RELCH: variants seen among roughly 807,000 people sequenced by gnomAD.
The protein encoded by RELCH is RAB11 binding and LisH domain, coiled-coil and HEAT repeat containing, also known as RAB11-binding protein RELCH.
In RELCH, 41 loss-of-function variants were observed where a neutral mutation model predicts 150.3. That is an observed-to-expected ratio of 0.27 (90% confidence interval 0.21 to 0.35). The LOEUF (loss-of-function observed/expected upper bound fraction) is 0.35. RELCH is among the 10% of genes least tolerant of loss of function. RELCH has a pLI of 1.00. For synonymous variants in RELCH, 478 were observed against 531.8 expected (o/e 0.90, Z 1.39); for missense variants, 1,092 against 1,467.8 (o/e 0.74, Z 4.18).
chr18:62,304,790 A>G (rs2045813375), intron 28 of RELCH, among the ~76,000 whole-genome samples: 1 of 152,220 alleles, frequency 6.6e-6, no homozygotes, highest in Non-Finnish European at 1.5e-5. Context: ...CAGGTTGGTG[A>G]AAAAGAAAGA....
At chr18:62,192,508 T>G (rs2038720856) in intron 1 of RELCH, among the ~76,000 whole-genome samples, 1 of 152,218 alleles carries the variant, frequency 6.6e-6, no homozygotes, top group Admixed American at 6.5e-5. Flanking sequence ...TTCAAGGGTT[T>G]TCATAGTTTT....
At chr18:62,244,742 T>C in intron 10 of RELCH, 22 bp from the exon 11 acceptor site, 2 of 1,480,404 alleles carry the variant, frequency 1.4e-6, no homozygotes, top group African/African-American at 1.4e-5. Context: ...ATTTGAATTT[T>C]TCCACCCTCG....
intron 2 of RELCH, among the ~76,000 whole-genome samples, chr18:62,220,286 T>C (rs2040767594): frequency 6.6e-6 from 1 of 151,482 alleles, no homozygotes; most frequent in Non-Finnish European, 1.5e-5. Flanking sequence ...TGCTATAGAA[T>C]TATCTTAATT....
intron 15 of RELCH, among the ~76,000 whole-genome samples, chr18:62,260,797 TA>T (rs1306648568): frequency 1.3e-5 from 2 of 151,976 alleles, no homozygotes; most frequent in Non-Finnish European, 2.9e-5. Context: ...GACATTATGT[TA>T]AGTGAAATAA....
rs150419744 is a variant in RELCH, at chr18:62,279,309, G to T, written c.2968-465G>T. Reference sequence around the variant, plus strand: ...ATGGTTTTAAAATACACTTGCTATAGCACAATAATAAGTGGTTTAGTGGTG... The same window carrying T: ...ATGGTTTTAAAATACACTTGCTATATCACAATAATAAGTGGTTTAGTGGTG... On this transcript the variant is annotated intron_variant, in intron 22 of 28. Coordinates refer to ENST00000644646, the MANE Select transcript of RELCH (RefSeq NM_001346231.2). Among the ~76,000 whole-genome samples, 93 of 152,260 alleles carry T rather than the reference G, an allele frequency of 6.1e-4. 1 individual carries two copies. In the East Asian group the frequency reaches 0.015, roughly 25 times the overall value.
At chr18:62,260,330 T>G (rs1290941171) in intron 15 of RELCH, among the ~76,000 whole-genome samples, 1 of 142,866 alleles carries the variant, frequency 7.0e-6, no homozygotes, top group African/African-American at 2.6e-5. Context: ...TAAACCAAAA[T>G]GAAGTATCAT....
chr18:62,304,702 G>A (rs1950560379), intron 28 of RELCH, among the ~76,000 whole-genome samples: 1 of 152,216 alleles, frequency 6.6e-6, no homozygotes, highest in South Asian at 2.1e-4. Flanking sequence ...TGCTTGATCA[G>A]TATTCTGTTT....
chr18:62,292,919 C>T (rs1035996487), intron 27 of RELCH, among the ~76,000 whole-genome samples: 1 of 152,168 alleles, frequency 6.6e-6, no homozygotes, highest in African/African-American at 2.4e-5. Flanking sequence ...AGCCAAAGTA[C>T]TTTTCCTAAA....
At chr18:62,225,310 T>C (rs1229835914) in intron 5 of RELCH, among the ~76,000 whole-genome samples, 1 of 151,862 alleles carries the variant, frequency 6.6e-6, no homozygotes, top group East Asian at 1.9e-4. Flanking sequence ...TTATTAGATA[T>C]GACACAAAAA....
At chr18:62,231,526 T>G (rs2041579401) in intron 9 of RELCH, among the ~76,000 whole-genome samples, 1 of 152,068 alleles carries the variant, frequency 6.6e-6, no homozygotes, top group African/African-American at 2.4e-5. Flanking sequence ...AATAGTATGT[T>G]TAATGACAGC....
intron 2 of RELCH, 82 bp from the exon 3 acceptor site, chr18:62,220,947 TCATACCCA>T: frequency 2.0e-6 from 2 of 988,716 alleles, no homozygotes; most frequent in Admixed American, 2.1e-5. Flanking sequence ...TATTTTTTTT[TCATACCCA>T]TCCTTGCTTT....
At chr18:62,303,631 G>A (rs992877201) in intron 28 of RELCH, among the ~76,000 whole-genome samples, 9 of 152,224 alleles carry the variant, frequency 5.9e-5, no homozygotes, top group African/African-American at 2.2e-4. Flanking sequence ...GTTAAGGAAA[G>A]GCACCATAGG....
chr18:62,222,016 G>C (rs936197712), intron 5 of RELCH, among the ~76,000 whole-genome samples: 1 of 151,848 alleles, frequency 6.6e-6, no homozygotes. Flanking sequence ...AAGCAAAAAA[G>C]ATGTCTTATT....
chr18:62,197,442 C>T (rs1465537564), intron 1 of RELCH, among the ~76,000 whole-genome samples: 1 of 152,168 alleles, frequency 6.6e-6, no homozygotes, highest in Non-Finnish European at 1.5e-5. Context: ...TAGCTTTTAA[C>T]TGTGCTGTTC....
rs762338964 is a variant in RELCH, at chr18:62,264,059, G to C, written c.2421G>C (p.Leu807Phe). 1 of 1,607,664 alleles carries C rather than the reference G, an allele frequency of 6.2e-7. No individual in the cohort carries two copies. The highest frequency in any genetic ancestry group is 8.5e-7 in the Non-Finnish European group (1 of 1,177,362). The change falls in exon 17 of 29, where the codon TTG (leucine) becomes TTC (phenylalanine). Residue 807 changes from leucine (L) to phenylalanine (F), a missense_variant. By Grantham distance (22) the Leu-to-Phe change is conservative (BLOSUM62 0). Coordinates refer to ENST00000644646, the MANE Select transcript of RELCH (RefSeq NM_001346231.2). ...CTATTATCGGAAGTCGTGAGCAATT[G>C]GCAGTGCTGCTGCAACTTTATGACT... ...VSTIIGSREQLAVLLQLYDYQ... is the reference protein window; with the variant it reads ...VSTIIGSREQFAVLLQLYDYQ...
intron 2 of RELCH, among the ~76,000 whole-genome samples, chr18:62,217,938 T>C (rs1043332017): frequency 6.6e-6 from 1 of 151,994 alleles, no homozygotes; most frequent in African/African-American, 2.4e-5. Context: ...GATTGCATCT[T>C]GCTTTCACTT....
Position 62,255,410 on chromosome 18 carries a change from A to T in RELCH, c.1828A>T (p.Asn610Tyr). 6.2e-7 allele frequency: 1 copy of T among 1,606,914 alleles called. No individual in the cohort carries two copies. Residue 610 changes from asparagine (N) to tyrosine (Y), a missense_variant, in exon 13 of 29, where the codon AAT (asparagine) becomes TAT (tyrosine). By Grantham distance (143) the Asn-to-Tyr change is moderately radical. This residue lies in a region of RELCH where 707 missense variants were observed against 1,025.4 expected (regional missense o/e 0.69). Coordinates refer to ENST00000644646, the MANE Select transcript of RELCH (RefSeq NM_001346231.2). ...TTATTTATTTTTTTTGCTCTAGATT[A>T]ATCACAAATACCCAGAAAGACGACT... is the stretch of plus-strand genomic sequence containing the variant. ...ELLPQCWEQI[N>Y]HKYPERRLLV...
At chr18:62,284,560 A>C (rs1268746452) in intron 25 of RELCH, among the ~76,000 whole-genome samples, 2 of 152,112 alleles carry the variant, frequency 1.3e-5, no homozygotes, top group Non-Finnish European at 2.9e-5. Context: ...CTTTTGCTTT[A>C]GAACTTACCC....
intron 10 of RELCH, among the ~76,000 whole-genome samples, chr18:62,241,406 C>G (rs1408923778): frequency 6.6e-6 from 1 of 152,034 alleles, no homozygotes; most frequent in African/African-American, 2.4e-5. Context: ...TATAACAAGA[C>G]CCAGTCTCTT....
Sources: gnomAD v4.1 joint callset for allele counts (sites outside exome capture counted in the v4.1 genomes callset) on GRCh38, gnomAD v4.1.1 for gene constraint, gnomAD v4.1.1 regional missense constraint, MANE v1.5 for transcripts, NCBI Gene and HGNC (gene_info 2026-07-23, HGNC 2026-07-21) for gene names.